The following MARF1 variants were observed in gnomAD, a reference collection of about 807,000 sequenced individuals.
MARF1 encodes meiosis regulator and mRNA stability factor 1.
In MARF1, 24 loss-of-function variants were observed where a neutral mutation model predicts 168.2. That is an observed-to-expected ratio of 0.14 (90% CI 0.10 to 0.20). MARF1 has a LOEUF of 0.20. Among genes scored for constraint, MARF1 ranks in the 10% least tolerant of loss-of-function variants. The pLI, the probability that MARF1 is intolerant of heterozygous loss-of-function variation, is 1.00. For synonymous variants in MARF1, 868 were observed against 822.4 expected (o/e 1.06, Z -0.95); for missense variants, 1,744 against 2,143.6 (o/e 0.81, Z 3.68).
intron 7 of MARF1, among the ~76,000 whole-genome samples, chr16:15,627,681 T>A (rs565784015): frequency 1.4e-4 from 21 of 152,130 alleles, no homozygotes; most frequent in African/African-American, 3.9e-4. Context: ...AAACTTAAGA[T>A]AATTATATAA....
chr16:15,609,717 G>C lies in MARF1; in HGVS notation c.3760C>G (p.Gln1254Glu). ...VICIPKRERT[Q>E]DEIERTKQFS... Reference sequence around the variant, plus strand: ...TGTTTTGTCCTTTCTATTTCATCCTGAGTGCGTTCTTTTAAAAAAACCAAA... The same window carrying C: ...TGTTTTGTCCTTTCTATTTCATCCTCAGTGCGTTCTTTTAAAAAAACCAAA... The change falls in exon 20 of 27, where the codon CAG (glutamine) becomes GAG (glutamate). Residue 1254 changes from glutamine (Q) to glutamate (E), a missense_variant. Around this residue, in one of 7 missense-constraint regions of MARF1, gnomAD observed 543 missense variants for 742.1 expected, o/e 0.73. Transcript: ENST00000396368. 1.2e-6 allele frequency: 2 copies of C among 1,613,130 alleles called. No homozygotes were observed. Among genetic ancestry groups the C allele is most frequent in the South Asian group, 1.1e-5 (1 of 90,770 alleles).
intron 12 of MARF1, among the ~76,000 whole-genome samples, chr16:15,620,967 A>G (rs1017387030): frequency 2.6e-5 from 4 of 152,206 alleles, no homozygotes; most frequent in Non-Finnish European, 5.9e-5. Context: ...ACAAAACTAA[A>G]AGAAGATGCC....
intron 1 of MARF1, 65 bp downstream of exon 1, chr16:15,642,941 ACTGTCCTCCGTC>A (rs2036140378): frequency 5.1e-6 from 1 of 195,292 alleles, no homozygotes; most frequent in South Asian, 6.5e-5. Flanking sequence ...AAGAGGGGAC[ACTGTCCTCCGTC>A]CCGCCCCGCT....
intron 25 of MARF1, among the ~76,000 whole-genome samples, chr16:15,599,678 A>AT (rs143707504): frequency 0.013 from 1,907 of 152,366 alleles, 44 homozygotes; most frequent in African/African-American, 0.044. Context: ...TAGAACTGCT[A>AT]TAACATTCCA....
chr16:15,616,041 T>G (rs1156311124), intron 15 of MARF1, 36 bp from the exon 16 acceptor site: 1 of 1,417,050 alleles, frequency 7.1e-7, no homozygotes, highest in Non-Finnish European at 9.3e-7. Flanking sequence ...AAGGAAAGGT[T>G]AAATCAAAAT....
chr16:15,603,121 G>C (rs140683233), intron 22 of MARF1, among the ~76,000 whole-genome samples: 29 of 152,308 alleles, frequency 1.9e-4, no homozygotes, highest in Non-Finnish European at 3.7e-4. Flanking sequence ...TATTAACAGA[G>C]TTTAGAAAAT....
rs764299038 is a variant in MARF1 at position 15,608,469 on chromosome 16, C to T, written c.4004G>A (p.Arg1335Gln). 18 of 1,613,978 alleles carry T rather than the reference C, an allele frequency of 1.1e-5. No homozygotes were observed. Among genetic ancestry groups the T allele is most frequent in the Admixed American group, 3.3e-5 (2 of 59,996 alleles). ...EKILTLTEVE[R>Q]FKALAAQFVK... Reference sequence around the variant, plus strand: ...AAACTGGGCAGCTAGAGCTTTGAACCGCTCCACCTCTGTCAGAGTAAGGAT... The same window carrying T: ...AAACTGGGCAGCTAGAGCTTTGAACTGCTCCACCTCTGTCAGAGTAAGGAT... Residue 1335 changes from arginine to glutamine, a missense_variant, in exon 21 of 27, where the codon CGG becomes CAG. This residue lies in a region of MARF1 where 543 missense variants were observed against 742.1 expected (regional missense o/e 0.73). Transcript: ENST00000396368.
Position 15,595,443 on chromosome 16 carries a change from C to G in MARF1, c.*1250G>C, listed in dbSNP as rs1052537898. On this transcript the variant is annotated 3_prime_UTR_variant, in exon 27 of 27. Transcript: ENST00000396368. ...TCTTTCTGCTCTATGAATGAATCCG[C>G]CTTTTTTGCCGGACAAATACAATCC... The G allele has an allele frequency of 2.0e-5, 3 of 152,598 alleles. No individual in the cohort carries two copies. Among genetic ancestry groups the G allele is most frequent in the Admixed American group, 2.0e-4 (3 of 15,276 alleles). The allele number at this position is 152,598 out of a possible 1,614,324, so 9.5% of individuals were successfully genotyped here.
intron 2 of MARF1, 119 bp from the exon 3 acceptor site, chr16:15,636,461 A>G: frequency 2.8e-6 from 2 of 708,662 alleles, no homozygotes; most frequent in Non-Finnish European, 4.6e-6. Context: ...TCACTAAATC[A>G]TAACTGAACA....
At chr16:15,608,808 A>C (rs1442196418) in intron 20 of MARF1, 2 of 422,798 alleles carry the variant, frequency 4.7e-6, no homozygotes, top group Non-Finnish European at 8.4e-6. Context: ...GTAGTAAAAA[A>C]AGAAAATAAA....
Position 15,611,731 on chromosome 16 carries a change from G to A in MARF1, c.3478C>T (p.Leu1160Phe), listed in dbSNP as rs1004062584. The stretch of plus-strand genomic sequence containing the variant: ...AGCAGACGTTTGGAGCCCATTCCAA[G>A]AATCTGCAAAGCAAATAGTTTATTT... ...LEAVPHVLQI[L>F]GMGSKRLLTL... is the part of the protein sequence containing the mutation. The change falls in exon 18 of 27, where the codon CTT becomes TTT. Residue 1160 changes from leucine to phenylalanine, a missense_variant. Physicochemically the swap from Leu to Phe is conservative, Grantham distance 22. Transcript: ENST00000396368. 6.2e-7 allele frequency: 1 copy of A among 1,613,818 alleles called. No individual in the cohort carries two copies. The highest frequency in any genetic ancestry group is 8.5e-7 in the Non-Finnish European group (1 of 1,179,878).
chr16:15,633,869 T>C (rs755313431), intron 4 of MARF1, 26 bp from the exon 5 acceptor site: 16 of 1,540,412 alleles, frequency 1.0e-5, no homozygotes, highest in East Asian at 2.3e-5. Flanking sequence ...CATTTTCAAT[T>C]ACTTGTAGTG....
intron 23 of MARF1, 131 bp from the exon 24 acceptor site, chr16:15,600,832 AT>A (rs1030817536): frequency 2.2e-6 from 2 of 889,462 alleles, no homozygotes; most frequent in African/African-American, 3.3e-5. Context: ...GCCAAGAAGC[AT>A]GTTTCTCTAC....
chr16:15,626,593 T>C (rs12921356), intron 7 of MARF1, among the ~76,000 whole-genome samples: 4,402 of 152,154 alleles, frequency 0.029, 169 homozygotes, highest in East Asian at 0.17. Context: ...AGATTGCCAG[T>C]AGTTAGGCTG....
intron 10 of MARF1, among the ~76,000 whole-genome samples, 189 bp downstream of exon 10, chr16:15,624,580 A>C (rs1390532260): frequency 6.6e-6 from 1 of 152,248 alleles, no homozygotes; most frequent in Non-Finnish European, 1.5e-5. Flanking sequence ...TGGAGGAAGA[A>C]GAAATGGTGA....
intron 21 of MARF1, 62 bp from the exon 22 acceptor site, chr16:15,604,460 A>G: frequency 1.8e-6 from 2 of 1,122,350 alleles, no homozygotes; most frequent in Admixed American, 1.9e-5. Flanking sequence ...GTTATACCCA[A>G]CTCAGCTCAC....
chr16:15,613,421 G>A (rs1194801574), intron 16 of MARF1, among the ~76,000 whole-genome samples: 9 of 151,972 alleles, frequency 5.9e-5, no homozygotes, highest in Admixed American at 2.0e-4. Context: ...AGGCTGAGGC[G>A]GGCGGATCAC....
chr16:15,625,973 T>C (rs1175304930), intron 7 of MARF1, among the ~76,000 whole-genome samples, 173 bp from the exon 8 acceptor site: 1 of 152,126 alleles, frequency 6.6e-6, no homozygotes, highest in Non-Finnish European at 1.5e-5. Context: ...AACTGAATAT[T>C]GTTTTAAAGA....
chr16:15,630,351 C>T lies in MARF1; in HGVS notation c.1505G>A (p.Arg502Lys), dbSNP rs778749693. ...ACTTACTGGCATTTTTAGTGGTAAC[C>T]TGGGGGGCAAGTCGGAAATGAACTC... The part of the protein sequence containing the change: ...FEEFISDLPP[R>K]LPLKMPQCHT... Residue 502 changes from arginine to lysine, a missense_variant, in exon 7 of 27, where the codon AGG becomes AAG. By Grantham distance (26) the Arg-to-Lys change is conservative. Around this residue, in one of 7 missense-constraint regions of MARF1, gnomAD observed 217 missense variants for 372.4 expected, o/e 0.58. Coordinates refer to ENST00000396368, the MANE Select transcript of MARF1 (RefSeq NM_014647.4). 7.5e-6 allele frequency: 12 copies of T among 1,602,904 alleles called. No individual in the cohort carries two copies. In the South Asian group the frequency reaches 1.1e-4, roughly 15 times the overall value.
Sources: gnomAD v4.1 joint callset for allele counts (sites outside exome capture counted in the v4.1 genomes callset) on GRCh38, gnomAD v4.1.1 for gene constraint, gnomAD v4.1.1 regional missense constraint, MANE v1.5 for transcripts, NCBI Gene and HGNC (gene_info 2026-07-23, HGNC 2026-07-21) for gene names.